Variants in DNAJC3 observed in about 807,000 individuals in gnomAD.
DNAJC3 encodes the protein DnaJ heat shock protein family (Hsp40) member C3.
Under a neutral mutation model 68.6 loss-of-function variants are expected in DNAJC3, and 38 were observed. The ratio of observed to expected loss-of-function variants is 0.55; its 90% CI spans 0.43 to 0.73. The LOEUF (loss-of-function observed/expected upper bound fraction) is 0.73. Ranked by LOEUF, DNAJC3 falls within the 30% of genes least tolerant of loss-of-function variation. The pLI is 0.00. For synonymous variants in DNAJC3, 203 were observed against 204.0 expected, an observed-to-expected ratio of 1.00 and a Z score of 0.04; for missense variants, 526 against 591.9, an observed-to-expected ratio of 0.89 and a Z score of 1.16.
At chr13:95,740,084 G>C (rs985461338) in intron 4 of DNAJC3, among the ~76,000 whole-genome samples, 2 of 152,282 alleles carry the variant, frequency 1.3e-5, no homozygotes, top group African/African-American at 4.8e-5. Context: ...TGAGGTGTCA[G>C]TGTGCCCCTG....
Position 95,786,983 on chromosome 13 carries a change from ATTAT to A in DNAJC3, c.1209-17_1209-14del, listed in dbSNP as rs777106962. The A allele has an allele frequency of 1.9e-5, 31 of 1,591,544 alleles. No individual in the cohort carries two copies. The highest frequency in any genetic ancestry group is 1.7e-4 in the Middle Eastern group (1 of 5,820). On this transcript the variant is annotated intron_variant, in intron 10 of 11. Coordinates refer to ENST00000602402, the MANE Select transcript of DNAJC3 (RefSeq NM_006260.5). ...TATGTTAGACACTTTTCCACTAATG[ATTAT>A]TTATTTTACCACCCCTCAGAAATGC...
At position 95,793,482 on chromosome 13, in the gene DNAJC3, CTTTTTTTTTTTTT is replaced by C. The variant is rs1002199198; in HGVS notation, c.*2465_*2477del. On this transcript the variant is annotated 3_prime_UTR_variant, in exon 12 of 12. Coordinates refer to ENST00000602402, the MANE Select transcript of DNAJC3 (RefSeq NM_006260.5). ...TTGGGGACTACAGGTGCCAGGTAAC[CTTTTTTTTTTTTT>C]TTTTTTTTTTTTGAGACAGAATCTT... 3 of 96,222 alleles carry C rather than the reference CTTTTTTTTTTTTT, an allele frequency of 3.1e-5. No homozygotes were observed. The allele number at this position is 96,222 out of a possible 1,614,324, so 6.0% of individuals were successfully genotyped here.
intron 9 of DNAJC3, among the ~76,000 whole-genome samples, chr13:95,764,510 T>G (rs1004511680): frequency 4.7e-5 from 7 of 149,740 alleles, no homozygotes; most frequent in Non-Finnish European, 8.9e-5. Flanking sequence ...GCTGCTACCC[T>G]ATTTTGTTCA....
intron 2 of DNAJC3, among the ~76,000 whole-genome samples, chr13:95,718,616 G>A (rs1173053982): frequency 1.3e-5 from 2 of 152,168 alleles, no homozygotes; most frequent in Non-Finnish European, 1.5e-5. Flanking sequence ...GGCCAGGCTG[G>A]TCTCGAACTC....
At chr13:95,752,137 C>T (rs1882499157) in intron 4 of DNAJC3, among the ~76,000 whole-genome samples, 1 of 152,150 alleles carries the variant, frequency 6.6e-6, no homozygotes, top group Non-Finnish European at 1.5e-5. Context: ...TGAGCTCATC[C>T]TCTGTGTCCG....
At chr13:95,691,387 C>T (rs928492091) in intron 1 of DNAJC3, among the ~76,000 whole-genome samples, 6 of 150,872 alleles carry the variant, frequency 4.0e-5, no homozygotes, top group Admixed American at 2.6e-4. Context: ...ACGGGGCGGC[C>T]GGGCAGAGAC....
At chr13:95,760,527 CCACGT>C in intron 6 of DNAJC3, 147 bp from the exon 7 acceptor site, 1 of 956,270 alleles carries the variant, frequency 1.0e-6, no homozygotes, top group Non-Finnish European at 1.5e-6. Context: ...TGGTACAATG[CCACGT>C]ATAAATGTAT....
chr13:95,783,345 T>A (rs977397821), intron 9 of DNAJC3, among the ~76,000 whole-genome samples: 1 of 152,216 alleles, frequency 6.6e-6, no homozygotes, highest in African/African-American at 2.4e-5. Context: ...TACAAAAGAC[T>A]GCTTTGGGGA....
At chr13:95,733,781 G>A (rs952159255) in intron 4 of DNAJC3, among the ~76,000 whole-genome samples, 1 of 116,986 alleles carries the variant, frequency 8.5e-6, no homozygotes, top group Admixed American at 9.8e-5. Context: ...AGCTATTCTT[G>A]TTTGCTTTAG....
chr13:95,698,436 C>G (rs905758492), intron 1 of DNAJC3, among the ~76,000 whole-genome samples: 1 of 152,186 alleles, frequency 6.6e-6, no homozygotes, highest in Non-Finnish European at 1.5e-5. Flanking sequence ...AGCTTGCCCA[C>G]GAATACTCCA....
At chr13:95,789,352 T>C (rs1883697459) in intron 11 of DNAJC3, among the ~76,000 whole-genome samples, 1 of 152,212 alleles carries the variant, frequency 6.6e-6, no homozygotes, top group Non-Finnish European at 1.5e-5. Context: ...TGTTCCCCTT[T>C]ATGCATCCAT....
intron 9 of DNAJC3, among the ~76,000 whole-genome samples, chr13:95,779,191 T>C (rs1010572924): frequency 4.8e-5 from 7 of 146,412 alleles, no homozygotes; most frequent in East Asian, 2.1e-4. Context: ...GTGGCATGAT[T>C]TCAGCTCAAT....
At chr13:95,727,192 A>C (rs1387765522) in intron 4 of DNAJC3, among the ~76,000 whole-genome samples, 1 of 151,688 alleles carries the variant, frequency 6.6e-6, no homozygotes, top group Non-Finnish European at 1.5e-5. Context: ...TCTGTTACTT[A>C]GGTTTTTTTT....
intron 1 of DNAJC3, among the ~76,000 whole-genome samples, chr13:95,697,785 AGT>A (rs1491408234): frequency 1.5e-5 from 2 of 135,182 alleles, no homozygotes; most frequent in African/African-American, 3.2e-5. Context: ...GCCTTCAAGA[AGT>A]TTTTTTTTTT....
rs1450054877 is a variant in DNAJC3 at position 95,791,698 on chromosome 13, A to C, written c.*668A>C. 1 of 152,230 alleles carries C rather than the reference A, an allele frequency of 6.6e-6. No homozygotes were observed. Among genetic ancestry groups the C allele is most frequent in the Non-Finnish European group, 1.5e-5 (1 of 68,052 alleles). 9.4% of individuals were successfully genotyped at this position (152,230 alleles called of 1,614,324 possible). ...GTACATTTTTTTGGTTCAGTACCTG[A>C]AGAAGAATACTGAAACTTGAATCTA... On this transcript the variant is annotated 3_prime_UTR_variant, in exon 12 of 12. Coordinates refer to ENST00000602402, the MANE Select transcript of DNAJC3 (RefSeq NM_006260.5).
rs551388323 is a variant in DNAJC3 at position 95,790,325 on chromosome 13, C to T, written c.1358-548C>T. On this transcript the variant is annotated intron_variant, in intron 11 of 11. Coordinates refer to ENST00000602402, the MANE Select transcript of DNAJC3 (RefSeq NM_006260.5). The stretch of plus-strand genomic sequence containing the variant: ...GTCTCTGCATTGATCTCTCTCTGTT[C>T]GGGGCTCAGAGGCCCCGCTGTGGGG... Among the ~76,000 whole-genome samples the T allele has an allele frequency of 5.3e-5, 8 of 152,222 alleles. No homozygotes were observed. The South Asian group carries it at 1.2e-3, about 24-fold the overall frequency.
chr13:95,746,549 A>C (rs1882312902), intron 4 of DNAJC3, among the ~76,000 whole-genome samples: 1 of 152,194 alleles, frequency 6.6e-6, no homozygotes, highest in Non-Finnish European at 1.5e-5. Context: ...GTTTGAAAAG[A>C]TCAAATTTAT....
chr13:95,791,085 C>A lies in DNAJC3; in HGVS notation c.*55C>A, dbSNP rs1594035363. ...TTTTAAAGATTAAAAACAAAGAAAT[C>A]TTGTTCCGGGACCCTAATGAAAAAA... On this transcript the variant is annotated 3_prime_UTR_variant, in exon 12 of 12. Transcript: ENST00000602402. 2 of 1,589,474 alleles carry A rather than the reference C, an allele frequency of 1.3e-6. No homozygotes were observed. The highest frequency in any genetic ancestry group is 2.2e-5 in the East Asian group (1 of 44,700).
chr13:95,755,998 C>T (rs920243434), intron 4 of DNAJC3, among the ~76,000 whole-genome samples: 8 of 152,098 alleles, frequency 5.3e-5, no homozygotes, highest in East Asian at 1.9e-4. Flanking sequence ...CCTGAGCCCT[C>T]CAGCCTCTGT....
Sources: gnomAD v4.1 joint callset for allele counts (sites outside exome capture counted in the v4.1 genomes callset) on GRCh38, gnomAD v4.1.1 for gene constraint, MANE v1.5 for transcripts, NCBI Gene and HGNC (gene_info 2026-07-23, HGNC 2026-07-21) for gene names.